Variants in ADD2 observed in about 807,000 individuals in gnomAD.
The protein encoded by ADD2 is beta-adducin.
ADD2 carries 23 observed loss-of-function variants against 83.0 expected under a neutral mutation model. The ratio of observed to expected loss-of-function variants is 0.28; its 90% CI spans 0.20 to 0.39. The LOEUF is 0.39. ADD2 is among the 10% of genes least tolerant of loss of function. The pLI, the probability that ADD2 is intolerant of heterozygous loss-of-function variation, is 1.00. For synonymous variants in ADD2, 375 were observed against 375.4 expected, an observed-to-expected ratio of 1.00 and a Z score of 0.01; for missense variants, 758 against 944.9, an observed-to-expected ratio of 0.80 and a Z score of 2.59.
intron 1 of ADD2, among the ~76,000 whole-genome samples, chr2:70,753,118 CA>C (rs1480767172): frequency 6.6e-6 from 1 of 152,090 alleles, no homozygotes; most frequent in Non-Finnish European, 1.5e-5. Flanking sequence ...AAAGGAACTG[CA>C]CAGAAGAAAA....
chr2:70,764,688 G>A (rs1251952589), intron 1 of ADD2, among the ~76,000 whole-genome samples: 1 of 151,942 alleles, frequency 6.6e-6, no homozygotes, highest in Non-Finnish European at 1.5e-5. Context: ...GGAGGGAGAG[G>A]TGGGAGGATC....
intron 11 of ADD2, 118 bp from the exon 12 acceptor site, chr2:70,677,995 CAT>C (rs782505672): frequency 1.2e-5 from 16 of 1,337,794 alleles, no homozygotes; most frequent in Non-Finnish European, 1.7e-5. Flanking sequence ...CAAGCCTACT[CAT>C]AGACACTCTC....
chr2:70,715,086 C>T (rs1672395511), intron 1 of ADD2, among the ~76,000 whole-genome samples: 1 of 152,076 alleles, frequency 6.6e-6, no homozygotes, highest in Admixed American at 6.5e-5. Flanking sequence ...GTATTTGAGG[C>T]AATTGTATTA....
At chr2:70,715,519 C>G (rs1427585210) in intron 1 of ADD2, among the ~76,000 whole-genome samples, 1 of 152,116 alleles carries the variant, frequency 6.6e-6, no homozygotes, top group East Asian at 1.9e-4. Context: ...CAGAAAGCAC[C>G]AGAGGCACAG....
chr2:70,665,624 G>A (rs1553366007), intron 15 of ADD2, among the ~76,000 whole-genome samples: 2 of 151,984 alleles, frequency 1.3e-5, no homozygotes, highest in African/African-American at 4.8e-5. Flanking sequence ...ATTCCCCTCT[G>A]GAAGGCCCTT....
At chr2:70,763,529 T>C (rs1425399940) in intron 1 of ADD2, among the ~76,000 whole-genome samples, 1 of 152,004 alleles carries the variant, frequency 6.6e-6, no homozygotes, top group Non-Finnish European at 1.5e-5. Context: ...GTCACTTTTA[T>C]TAAAATGTAA....
intron 1 of ADD2, among the ~76,000 whole-genome samples, chr2:70,743,802 T>G (rs1024803687): frequency 6.6e-6 from 1 of 152,130 alleles, no homozygotes; most frequent in Non-Finnish European, 1.5e-5. Context: ...CTGTGGTAGA[T>G]CAGAGCATAC....
intron 15 of ADD2, among the ~76,000 whole-genome samples, chr2:70,668,703 A>G (rs1004274093): frequency 6.6e-6 from 1 of 152,296 alleles, no homozygotes; most frequent in East Asian, 1.9e-4. Context: ...GCACTGGGGT[A>G]AAGACATGGA....
At chr2:70,708,641 AC>A (rs1553374956) in intron 2 of ADD2, among the ~76,000 whole-genome samples, 1 of 152,134 alleles carries the variant, frequency 6.6e-6, no homozygotes, top group Non-Finnish European at 1.5e-5. Context: ...CCTCGTTCAA[AC>A]CACCATCTGC....
At chr2:70,696,464 C>A in intron 4 of ADD2, 68 bp from the exon 5 acceptor site, 1 of 1,587,798 alleles carries the variant, frequency 6.3e-7, no homozygotes, top group East Asian at 2.3e-5. Flanking sequence ...CTCCAGTGTT[C>A]TCCAAATTCT....
In ADD2 at chr2:70,706,364, C is replaced by T. The variant is rs1333798664; in HGVS notation, c.45G>A (p.Pro15=). Reference sequence around the variant, plus strand: ...AGCGGTCAAAGTAAGGCTGCCCCTGCGGGGGCGGCGGCGAGGCAGCCTCGG... The same window carrying T: ...AGCGGTCAAAGTAAGGCTGCCCCTGTGGGGGCGGCGGCGAGGCAGCCTCGG... ...TVPEAASPPP[P]QGQPYFDRFS... The change falls in exon 3 of 16, where the codon CCG becomes CCA. Residue 15 remains proline (P), a synonymous_variant. Transcript: ENST00000264436. The surrounding 1 kb of genome is among the most constrained non-coding windows in gnomAD (Gnocchi z 5.0). The T allele has an allele frequency of 5.0e-6, 8 of 1,611,784 alleles. No individual in the cohort carries two copies. The highest frequency in any genetic ancestry group is 1.1e-5 in the South Asian group (1 of 90,916).
intron 4 of ADD2, 58 bp downstream of exon 4, chr2:70,704,263 T>TGGCCCCCCCCCCCCCCCCCCCCCCACC: frequency 2.2e-6 from 2 of 913,236 alleles, no homozygotes; most frequent in Non-Finnish European, 3.4e-6. Context: ...CTCCCTCTCT[T>TGGCCCCCCCCCCCCCCCCCCCCCCACC]CCCCACCCCA....
At chr2:70,731,050 C>G (rs1179340282) in intron 1 of ADD2, among the ~76,000 whole-genome samples, 4 of 152,206 alleles carry the variant, frequency 2.6e-5, no homozygotes, top group Non-Finnish European at 2.9e-5. Flanking sequence ...AATGAGACAG[C>G]TTTCTTCCTG....
chr2:70,682,130 T>C (rs782724654), intron 10 of ADD2, among the ~76,000 whole-genome samples: 3 of 152,232 alleles, frequency 2.0e-5, no homozygotes, highest in African/African-American at 4.8e-5. Context: ...CCACCAGTTA[T>C]TGTATATTAT....
At position 70,685,428 on chromosome 2, in the gene ADD2, A is replaced by T. The variant is rs146904737; in HGVS notation, c.949-1661T>A. 3.7e-3 allele frequency among the ~76,000 whole-genome samples: 560 copies of T among 152,268 alleles called. 1 individual carries two copies. Among genetic ancestry groups the T allele is most frequent in the Middle Eastern group, 0.014 (4 of 294 alleles). On this transcript the variant is annotated intron_variant, in intron 9 of 15. Coordinates refer to ENST00000264436, the MANE Select transcript of ADD2 (RefSeq NM_001617.4). ...CCCTTCTCGTCCAAGCCATGTGTCT[A>T]GCAGAAGATAAACAGACTTCTCCCA...
chr2:70,747,484 T>C (rs1425640615), intron 1 of ADD2, among the ~76,000 whole-genome samples: 1 of 149,634 alleles, frequency 6.7e-6, no homozygotes, highest in Non-Finnish European at 1.5e-5. Flanking sequence ...CCATGTGCTT[T>C]TCCATCATGC....
chr2:70,682,163 C>T (rs1427163796), intron 10 of ADD2, among the ~76,000 whole-genome samples: 3 of 152,194 alleles, frequency 2.0e-5, no homozygotes, highest in African/African-American at 4.8e-5. Flanking sequence ...AGGCTTGATA[C>T]TATTTGCTAG....
Position 70,676,041 on chromosome 2 carries a change from G to A in ADD2, c.1593+755C>T. 1 of 985,422 alleles carries A rather than the reference G, an allele frequency of 1.0e-6. No homozygotes were observed. The highest frequency in any genetic ancestry group is 1.2e-6 in the Non-Finnish European group (1 of 829,934). 61.0% of individuals were successfully genotyped at this position (985,422 alleles called of 1,614,324 possible). ...CCAATGGGCACCCACCCTGTGGGCT[G>A]CAGTCTTGACCTGAAATCATTGCAT... On this transcript the variant is annotated intron_variant, in intron 13 of 15. Transcript: ENST00000264436. This position sits in a 1 kb window ranked among gnomAD's most constrained non-coding sequence, Gnocchi z 4.8.
chr2:70,697,436 C>T (rs1671367804), intron 4 of ADD2, among the ~76,000 whole-genome samples: 1 of 152,172 alleles, frequency 6.6e-6, no homozygotes, highest in African/African-American at 2.4e-5. Context: ...CAGTCTATCC[C>T]GTTAACCATG....
Sources: gnomAD v4.1 joint callset for allele counts (sites outside exome capture counted in the v4.1 genomes callset) on GRCh38, gnomAD v4.1.1 for gene constraint, Gnocchi (gnomAD v3.1) non-coding constraint, MANE v1.5 for transcripts, NCBI Gene and HGNC (gene_info 2026-07-23, HGNC 2026-07-21) for gene names.